Variants in SRSF6 observed in about 807,000 individuals in gnomAD.
SRSF6 encodes the protein serine/arginine-rich splicing factor 6.
A neutral mutation model predicts 42.0 loss-of-function variants in SRSF6; 17 were observed. That is an observed-to-expected ratio of 0.40 (90% CI 0.28 to 0.61). The LOEUF (loss-of-function observed/expected upper bound fraction) is 0.61, where lower values mean the gene tolerates loss of function less well. Ranked by LOEUF, SRSF6 falls within the 20% of genes least tolerant of loss-of-function variation. SRSF6 has a pLI of 0.37. For missense variants in SRSF6, 379 were observed against 471.4 expected (o/e 0.80, Z 1.81); for synonymous variants, 204 against 166.7 (o/e 1.22, Z -1.72).
chr20:43,459,720 A>T, intron 2 of SRSF6, 51 bp from the exon 3 acceptor site: 1 of 1,611,360 alleles, frequency 6.2e-7, no homozygotes, highest in South Asian at 1.1e-5. Context: ...CAAAGACATT[A>T]TGCGTTTTTA....
chr20:43,461,264 G>T lies in SRSF6; in HGVS notation c.*201G>T. 2.4e-6 allele frequency: 1 copy of T among 411,360 alleles called. No individual in the cohort carries two copies. The highest frequency in any genetic ancestry group is 3.5e-6 in the Non-Finnish European group (1 of 282,076). The allele number at this position is 411,360 out of a possible 1,614,324, so 25.5% of individuals were successfully genotyped here. A position where few individuals can be genotyped will look rare whatever the true frequency, so the allele number is the denominator to read the frequency against. On this transcript the variant is annotated 3_prime_UTR_variant, in exon 6 of 6. Transcript: ENST00000244020. ...ATGAAGACCCTCTCCCTTCTTTGTA[G>T]AATTAAGATAACTTTGATTTTATAG...
At position 43,457,970 on chromosome 20, in the gene SRSF6, C is replaced by T; in HGVS notation, c.-64C>T. On this transcript the variant is annotated 5_prime_UTR_variant, in exon 1 of 6. Coordinates refer to ENST00000244020, the MANE Select transcript of SRSF6 (RefSeq NM_006275.6). ...GCTCTTGCCGTCCCCGCACCCGCAC[C>T]GCGGTTACTGGCTTGCGGTCCGCCG... The T allele has an allele frequency of 7.1e-7, 1 of 1,400,590 alleles. No homozygotes were observed. The highest frequency in any genetic ancestry group is 1.0e-6 in the Non-Finnish European group (1 of 1,002,878). 86.8% of individuals were successfully genotyped at this position (1,400,590 alleles called of 1,614,324 possible).
intron 2 of SRSF6, chr20:43,459,240 C>G (rs2017547541): frequency 7.4e-7 from 1 of 1,352,120 alleles, no homozygotes; most frequent in Non-Finnish European, 9.8e-7. Flanking sequence ...TTGTGTGACC[C>G]TTGCCCTATG....
rs1435006172 is a variant in SRSF6 at position 43,461,807 on chromosome 20, AC to A, written c.*745del. The A allele has an allele frequency of 6.6e-6, 1 of 152,640 alleles. No individual in the cohort carries two copies. The highest frequency in any genetic ancestry group is 6.5e-5 in the Admixed American group (1 of 15,286). 9.5% of individuals were successfully genotyped at this position (152,640 alleles called of 1,614,324 possible). A position where few individuals can be genotyped will look rare whatever the true frequency, so the allele number is the denominator to read the frequency against. Reference sequence around the variant, plus strand: ...GTTCCATGATTTTGCTTAAATTAATACTTTTAAGTAATGGAACTTTTTTCAA... The same window carrying A: ...GTTCCATGATTTTGCTTAAATTAATATTTTAAGTAATGGAACTTTTTTCAA... On this transcript the variant is annotated 3_prime_UTR_variant, in exon 6 of 6. Coordinates refer to ENST00000244020, the MANE Select transcript of SRSF6 (RefSeq NM_006275.6).
In SRSF6 at chr20:43,462,949, A is replaced by G. The variant is rs1253482097; in HGVS notation, c.*1886A>G. 1 of 152,674 alleles carries G rather than the reference A, an allele frequency of 6.5e-6. No individual in the cohort carries two copies. The highest frequency in any genetic ancestry group is 2.4e-5 in the African/African-American group (1 of 41,466). The allele number at this position is 152,674 out of a possible 1,614,324, so 9.5% of individuals were successfully genotyped here. A position where few individuals can be genotyped will look rare whatever the true frequency, so the allele number is the denominator to read the frequency against. On this transcript the variant is annotated 3_prime_UTR_variant, in exon 6 of 6. Transcript: ENST00000244020. ...TCAGCAGAAGTGATGACTCTTAAAAATTGGCTTTGACCAAAGTTCTCTTGT... is the reference window on the plus strand; with the variant it reads ...TCAGCAGAAGTGATGACTCTTAAAAGTTGGCTTTGACCAAAGTTCTCTTGT...
At position 43,461,169 on chromosome 20, in the gene SRSF6, C is replaced by T. The variant is rs1040341623; in HGVS notation, c.*106C>T. 14 of 1,409,626 alleles carry T rather than the reference C, an allele frequency of 9.9e-6. No individual in the cohort carries two copies. Among genetic ancestry groups the T allele is most frequent in the Middle Eastern group, 2.5e-4 (1 of 4,072 alleles). 87.3% of individuals were successfully genotyped at this position (1,409,626 alleles called of 1,614,324 possible). A position where few individuals can be genotyped will look rare whatever the true frequency, so the allele number is the denominator to read the frequency against. Reference sequence around the variant, plus strand: ...TTCTGCAAGAGGAATCTCTTGAAAACAGGGGCACACAGAAATTTGATTTGT... The same window carrying T: ...TTCTGCAAGAGGAATCTCTTGAAAATAGGGGCACACAGAAATTTGATTTGT... On this transcript the variant is annotated 3_prime_UTR_variant, in exon 6 of 6. Coordinates refer to ENST00000244020, the MANE Select transcript of SRSF6 (RefSeq NM_006275.6).
intron 1 of SRSF6, 52 bp from the exon 2 acceptor site, chr20:43,458,287 GGTACGGGCGCGCGCACGTGCGC>G: frequency 7.1e-7 from 1 of 1,408,554 alleles, no homozygotes; most frequent in Non-Finnish European, 9.2e-7. Flanking sequence ...CGCGCGGTGG[GGTACGGGCGCGCGCACGTGCGC>G]GTCCTGGCTA....
rs1428418084 is a variant in SRSF6 at position 43,463,519 on chromosome 20, C to G, written c.*2456C>G. The G allele has an allele frequency of 6.5e-6, 1 of 152,910 alleles. No homozygotes were observed. The highest frequency in any genetic ancestry group is 1.5e-5 in the Non-Finnish European group (1 of 68,206). The allele number at this position is 152,910 out of a possible 1,614,324, so 9.5% of individuals were successfully genotyped here. ...TGAGTCCTGCCTACTTTGACTTTTA[C>G]GTTCCCATTCCTGTGTTACCACCTT... On this transcript the variant is annotated 3_prime_UTR_variant, in exon 6 of 6. Transcript: ENST00000244020.
Position 43,460,829 on chromosome 20 carries a change from T to C in SRSF6, c.801T>C (p.Asp267=), listed in dbSNP as rs752751002. 6.2e-7 allele frequency: 1 copy of C among 1,614,088 alleles called. No homozygotes were observed. ...CACATTCTCGAAGCAGATCTAAGGA[T>C]GAGTATGAGAAATCTCGAAGCAGGT... The part of the protein sequence containing the change: ...SHSHSRSRSK[D]EYEKSRSRSR... The change falls in exon 6 of 6, where the codon GAT becomes GAC. Residue 267 remains aspartate (D), a synonymous_variant. Transcript: ENST00000244020.
Position 43,460,159 on chromosome 20 carries a change from G to A in SRSF6, c.508G>A (p.Glu170Lys), listed in dbSNP as rs2017560421. 1.2e-6 allele frequency: 2 copies of A among 1,614,194 alleles called. No homozygotes were observed. Among genetic ancestry groups the A allele is most frequent in the Non-Finnish European group, 1.7e-6 (2 of 1,180,036 alleles). Residue 170 changes from glutamate to lysine, a missense_variant, in exon 4 of 6, where the codon GAA (glutamate) becomes AAA (lysine). Transcript: ENST00000244020. Reference sequence around the variant, plus strand: ...TGCTTTGGACAAACTGGATGGCACAGAAATAAATGGCAGAAATATTAGGCT... The same window carrying A: ...TGCTTTGGACAAACTGGATGGCACAAAAATAAATGGCAGAAATATTAGGCT... Reference protein sequence around the residue: ...KRALDKLDGTEINGRNIRLIE... With the variant: ...KRALDKLDGTKINGRNIRLIE...
chr20:43,463,086 TG>T lies in SRSF6; in HGVS notation c.*2026del. The stretch of plus-strand genomic sequence containing the variant: ...CTAAAAGTATGAAACATCCTTCAAC[TG>T]GGCTCTCTTGTTAATAGGACATCAT... On this transcript the variant is annotated 3_prime_UTR_variant, in exon 6 of 6. Transcript: ENST00000244020. 1 of 152,598 alleles carries T rather than the reference TG, an allele frequency of 6.6e-6. No individual in the cohort carries two copies. The highest frequency in any genetic ancestry group is 1.9e-4 in the East Asian group (1 of 5,188). The allele number at this position is 152,598 out of a possible 1,614,324, so 9.5% of individuals were successfully genotyped here. A position where few individuals can be genotyped will look rare whatever the true frequency, so the allele number is the denominator to read the frequency against.
At chr20:43,459,114 C>A (rs1417426022) in intron 2 of SRSF6, 1 of 1,348,278 alleles carries the variant, frequency 7.4e-7, no homozygotes, top group Non-Finnish European at 9.8e-7. Flanking sequence ...ATGTTGAATT[C>A]AAACTTTTTA....
chr20:43,459,158 A>T (rs779300649), intron 2 of SRSF6: 3 of 1,352,032 alleles, frequency 2.2e-6, no homozygotes, highest in Non-Finnish European at 2.9e-6. Flanking sequence ...GAAAGTGACC[A>T]ATGGGGCTGA....
At chr20:43,459,662 C>A in intron 2 of SRSF6, 109 bp from the exon 3 acceptor site, 1 of 1,534,398 alleles carries the variant, frequency 6.5e-7, no homozygotes, top group Non-Finnish European at 8.9e-7. Context: ...AATATAATAG[C>A]AAAGTCCTAC....
intron 4 of SRSF6, 87 bp downstream of exon 4, chr20:43,460,328 G>A: frequency 1.4e-6 from 2 of 1,470,900 alleles, no homozygotes; most frequent in Non-Finnish European, 1.9e-6. Flanking sequence ...TTGCCTACTT[G>A]AATTAAAGCC....
At chr20:43,458,223 C>T in intron 1 of SRSF6, 83 bp downstream of exon 1, 1 of 1,473,446 alleles carries the variant, frequency 6.8e-7, no homozygotes, top group Non-Finnish European at 9.1e-7. Context: ...CGGCCAAGGC[C>T]GCGGCGCCGC....
rs367794856 is a variant in SRSF6, at chr20:43,460,685, C to T, written c.675-18C>T. On this transcript the variant is annotated intron_variant, in intron 5 of 5. Coordinates refer to ENST00000244020, the MANE Select transcript of SRSF6 (RefSeq NM_006275.6). The stretch of plus-strand genomic sequence containing the variant: ...CATTCTCACTAAGTATTGAGAAAAT[C>T]GGTCTTTCCTTGTCCAGTTCCAGGT... 4.2e-5 allele frequency: 67 copies of T among 1,611,984 alleles called. No individual in the cohort carries two copies. The East Asian group carries it at 9.1e-4, about 22-fold the overall frequency.
At position 43,458,389 on chromosome 20, in the gene SRSF6, C is replaced by T. The variant is rs1209420209; in HGVS notation, c.136C>T (p.Arg46Cys). Reference protein sequence around the residue: ...GYGFVEFEDSRDADDAVYELN... With the variant: ...GYGFVEFEDSCDADDAVYELN... Reference sequence around the variant, plus strand: ...CGGCTTCGTGGAGTTCGAGGACTCCCGCGACGCCGACGACGCCGTTTACGA... The same window carrying T: ...CGGCTTCGTGGAGTTCGAGGACTCCTGCGACGCCGACGACGCCGTTTACGA... The change falls in exon 2 of 6, where the codon CGC (arginine) becomes TGC (cysteine). Residue 46 changes from arginine to cysteine, a missense_variant. Around this residue, in one of 3 missense-constraint regions of SRSF6, gnomAD observed 117 missense variants for 146.8 expected, o/e 0.80. Coordinates refer to ENST00000244020, the MANE Select transcript of SRSF6 (RefSeq NM_006275.6). 2 of 1,559,180 alleles carry T rather than the reference C, an allele frequency of 1.3e-6. No homozygotes were observed. The highest frequency in any genetic ancestry group is 1.4e-5 in the African/African-American group (1 of 70,026).
chr20:43,457,947 T>G lies in SRSF6; in HGVS notation c.-87T>G, dbSNP rs2017521590. On this transcript the variant is annotated 5_prime_UTR_variant, in exon 1 of 6. Coordinates refer to ENST00000244020, the MANE Select transcript of SRSF6 (RefSeq NM_006275.6). ...TGTGGTGTGAGGCGCGTGTTCGGGC[T>G]CTTGCCGTCCCCGCACCCGCACCGC... 8.8e-7 allele frequency: 1 copy of G among 1,141,660 alleles called. No individual in the cohort carries two copies. The highest frequency in any genetic ancestry group is 1.3e-6 in the Non-Finnish European group (1 of 780,338). 70.7% of individuals were successfully genotyped at this position (1,141,660 alleles called of 1,614,324 possible). A position where few individuals can be genotyped will look rare whatever the true frequency, so the allele number is the denominator to read the frequency against.
Sources: allele counts gnomAD v4.1 joint callset, GRCh38; gene constraint gnomAD v4.1.1; regional missense constraint gnomAD v4.1.1; transcripts MANE v1.5; gene names NCBI Gene and HGNC (gene_info 2026-07-23, HGNC 2026-07-21).